The following VWA2 variants were observed in gnomAD, a reference collection of about 807,000 sequenced individuals.
VWA2 encodes the protein von Willebrand factor A domain-containing protein 2.
In VWA2, 73 loss-of-function variants were observed where a neutral mutation model predicts 70.4. The ratio of observed to expected loss-of-function variants is 1.04; its 90% CI spans 0.86 to 1.26. VWA2 has a LOEUF of 1.26. Among genes scored for constraint, VWA2 ranks in the 50% most tolerant of loss-of-function variants. The pLI, the probability that VWA2 is intolerant of heterozygous loss-of-function variation, is 0.00. For missense variants in VWA2, 1,011 were observed against 998.5 expected (o/e 1.01, Z -0.17); for synonymous variants, 407 against 423.3 (o/e 0.96, Z 0.47).
At chr10:114,241,724 T>C (rs1039775479) in intron 1 of VWA2, among the ~76,000 whole-genome samples, 1 of 152,178 alleles carries the variant, frequency 6.6e-6, no homozygotes, top group Admixed American at 6.5e-5. Flanking sequence ...TGAAATTTCA[T>C]GTAATTATAG....
In VWA2 at chr10:114,278,016, C is replaced by G; in HGVS notation, c.669C>G (p.Ser223Arg). ...DATNGLFSTL[S>R]SSAICSSATP... ...CCAACGGCCTCTTCAGCACCCTCAG[C>G]AGCTCGGCCATCTGCTCCAGCGCCA... Residue 223 changes from serine (S) to arginine (R), a missense_variant, in exon 7 of 14, where the codon AGC becomes AGG. Ser to Arg is a moderately radical substitution (Grantham distance 110). Transcript: ENST00000392982. The G allele has an allele frequency of 1.2e-6, 2 of 1,612,646 alleles. No individual in the cohort carries two copies. Among genetic ancestry groups the G allele is most frequent in the Non-Finnish European group, 8.5e-7 (1 of 1,179,074 alleles).
At chr10:114,287,023 T>A (rs1564743519) in intron 11 of VWA2, among the ~76,000 whole-genome samples, 1 of 152,186 alleles carries the variant, frequency 6.6e-6, no homozygotes, top group Non-Finnish European at 1.5e-5. Flanking sequence ...AGAGGATACT[T>A]ACCCTGTCTA....
intron 8 of VWA2, chr10:114,281,893 A>G (rs772775066): frequency 1.7e-5 from 4 of 230,442 alleles, no homozygotes; most frequent in African/African-American, 7.0e-5. Context: ...CCAGTTCCCA[A>G]TATTTCTCTC....
chr10:114,247,771 C>T (rs2037104428), intron 1 of VWA2, among the ~76,000 whole-genome samples: 1 of 151,990 alleles, frequency 6.6e-6, no homozygotes, highest in African/African-American at 2.4e-5. Flanking sequence ...AACAGCTTAG[C>T]CACATCAGGG....
chr10:114,265,906 G>A (rs1463959638), intron 5 of VWA2, among the ~76,000 whole-genome samples: 2 of 152,182 alleles, frequency 1.3e-5, no homozygotes, highest in South Asian at 2.1e-4. Flanking sequence ...ATGAAGACAG[G>A]CTGTTATGAA....
intron 4 of VWA2, among the ~76,000 whole-genome samples, chr10:114,259,227 A>C (rs2037391720): frequency 6.6e-6 from 1 of 152,146 alleles, no homozygotes; most frequent in African/African-American, 2.4e-5. Flanking sequence ...ATGGGGAAAA[A>C]TGCTATTTCA....
intron 4 of VWA2, 42 bp from the exon 5 acceptor site, chr10:114,261,144 A>C: frequency 2.1e-6 from 3 of 1,439,122 alleles, no homozygotes; most frequent in Non-Finnish European, 2.9e-6. Context: ...AATGTTTTTG[A>C]CTCCAGTCTC....
intron 4 of VWA2, among the ~76,000 whole-genome samples, chr10:114,258,538 TTAAC>T (rs2037378859): frequency 6.6e-6 from 1 of 152,216 alleles, no homozygotes; most frequent in Non-Finnish European, 1.5e-5. Context: ...ACAAAATGCT[TTAAC>T]TACTGACTTA....
intron 2 of VWA2, 28 bp downstream of exon 2, chr10:114,248,793 A>C: frequency 6.2e-7 from 1 of 1,607,528 alleles, no homozygotes; most frequent in Non-Finnish European, 8.5e-7. Flanking sequence ...GTGGTGGGGA[A>C]GTACTGGCGT....
chr10:114,288,989 C>T lies in VWA2; in HGVS notation c.1622C>T (p.Ser541Leu), dbSNP rs2133670905. 2.5e-6 allele frequency: 4 copies of T among 1,614,100 alleles called. No homozygotes were observed. In the East Asian group the frequency reaches 8.9e-5, roughly 36 times the overall value. The change falls in exon 12 of 14, where the codon TCA becomes TTA. Residue 541 changes from serine (S) to leucine (L), a missense_variant. Coordinates refer to ENST00000392982, the MANE Select transcript of VWA2 (RefSeq NM_001272046.2). ...DLVFMLDTSASVGPENFAQMQ... is the reference protein window; with the variant it reads ...DLVFMLDTSALVGPENFAQMQ... ...GTCTTCATGTTGGACACCTCTGCCT[C>T]AGTAGGGCCCGAGAATTTTGCTCAG...
intron 1 of VWA2, among the ~76,000 whole-genome samples, chr10:114,241,623 T>C (rs1398613156): frequency 6.6e-6 from 1 of 152,192 alleles, no homozygotes; most frequent in Non-Finnish European, 1.5e-5. Context: ...CCCTGATGTG[T>C]GTGCATCTTA....
chr10:114,246,181 C>A, intron 1 of VWA2: 3 of 1,179,246 alleles, frequency 2.5e-6, no homozygotes, highest in Non-Finnish European at 3.7e-6. Context: ...TTGAGGCAAA[C>A]GTACACCAAG....
intron 1 of VWA2, chr10:114,246,099 T>A: frequency 1.9e-6 from 1 of 515,056 alleles, no homozygotes; most frequent in Non-Finnish European, 3.8e-6. Flanking sequence ...GGAGGTCAGA[T>A]GCATGGTGAG....
Position 114,286,188 on chromosome 10 carries a change from G to T in VWA2, c.1247G>T (p.Arg416Leu). 2 of 1,614,062 alleles carry T rather than the reference G, an allele frequency of 1.2e-6. No homozygotes were observed. The highest frequency in any genetic ancestry group is 1.7e-6 in the Non-Finnish European group (2 of 1,180,010). ...TGGAGCCTCGATGGCATTCCCTTCC[G>T]TGGTGGCCCCACCCTGACGGGCAGT... Reference protein sequence around the residue: ...LVWSLDGIPFRGGPTLTGSAL... With the variant: ...LVWSLDGIPFLGGPTLTGSAL... The change falls in exon 11 of 14, where the codon CGT (arginine) becomes CTT (leucine). Residue 416 changes from arginine to leucine, a missense_variant. Transcript: ENST00000392982.
At chr10:114,254,766 T>C (rs557615226) in intron 3 of VWA2, 149 bp from the exon 4 acceptor site, 2 of 1,055,208 alleles carry the variant, frequency 1.9e-6, no homozygotes, top group South Asian at 3.0e-5. Flanking sequence ...GCTTCCTGCT[T>C]CAGAGGAGGG....
chr10:114,277,892 C>CCCTTGTGGTTACACAAGGGGTTG, intron 6 of VWA2, 22 bp from the exon 7 acceptor site: 2 of 1,589,926 alleles, frequency 1.3e-6, no homozygotes, highest in Non-Finnish European at 1.7e-6. Context: ...GGACCACAAG[C>CCCTTGTGGTTACACAAGGGGTTG]TGTTACAACC....
intron 2 of VWA2, among the ~76,000 whole-genome samples, chr10:114,251,805 A>G (rs1405082807): frequency 1.3e-5 from 2 of 148,556 alleles, no homozygotes; most frequent in Non-Finnish European, 3.0e-5. Context: ...GAATGCAGTG[A>G]GCAGAAAACC....
In VWA2 at chr10:114,280,893, C is replaced by T. The variant is rs115596497; in HGVS notation, c.834-1623C>T. 902 of 152,154 alleles carry T rather than the reference C, an allele frequency of 5.9e-3. 5 individuals carry two copies. The highest frequency in any genetic ancestry group is 0.02 in the African/African-American group (841 of 41,490). The allele number at this position is 152,154 out of a possible 1,614,324, so 9.4% of individuals were successfully genotyped here. A position where few individuals can be genotyped will look rare whatever the true frequency, so the allele number is the denominator to read the frequency against. On this transcript the variant is annotated intron_variant, in intron 8 of 13. Coordinates refer to ENST00000392982, the MANE Select transcript of VWA2 (RefSeq NM_001272046.2). ...AGTTGGGACTACAGACACGCACCAC[C>T]GTGGCCGGCTAATTTTTAAGATTTT...
intron 2 of VWA2, among the ~76,000 whole-genome samples, chr10:114,253,036 GA>G (rs1455138992): frequency 6.6e-6 from 1 of 151,218 alleles, no homozygotes; most frequent in Non-Finnish European, 1.5e-5. Context: ...TCTGCTGCTA[GA>G]CACCTACCAG....
Sources: allele counts gnomAD v4.1 joint callset (sites outside exome capture counted in the v4.1 genomes callset), GRCh38; gene constraint gnomAD v4.1.1; transcripts MANE v1.5; gene names NCBI Gene and HGNC (gene_info 2026-07-23, HGNC 2026-07-21).